CSNK1G1: variants seen among roughly 807,000 people sequenced by gnomAD.
CSNK1G1 encodes casein kinase I isoform gamma-1.
Under a neutral mutation model 59.6 loss-of-function variants are expected in CSNK1G1, and 22 were observed. The observed-to-expected ratio is 0.37, with a 90% CI of 0.26 to 0.53. The LOEUF (loss-of-function observed/expected upper bound fraction) is 0.53, where lower values mean the gene tolerates loss of function less well. Among genes scored for constraint, CSNK1G1 ranks in the 20% least tolerant of loss-of-function variants. The pLI is 0.89. For synonymous variants in CSNK1G1, 179 were observed against 177.1 expected (o/e 1.01, Z -0.08); for missense variants, 384 against 519.5 (o/e 0.74, Z 2.54).
chr15:64,172,120 T>C (rs888725187), intron 11 of CSNK1G1, 135 bp from the exon 12 acceptor site: 2 of 746,028 alleles, frequency 2.7e-6, no homozygotes, highest in Non-Finnish European at 4.7e-6. Context: ...CCATCTACAG[T>C]GCACGCACTG....
intron 2 of CSNK1G1, among the ~76,000 whole-genome samples, chr15:64,288,479 T>C (rs78285426): frequency 0.012 from 1,872 of 152,160 alleles, 26 homozygotes; most frequent in African/African-American, 0.044. Context: ...TTCAGAACTT[T>C]AGAATCTATG....
intron 2 of CSNK1G1, among the ~76,000 whole-genome samples, chr15:64,260,875 C>T (rs1012195043): frequency 6.6e-5 from 10 of 152,102 alleles, no homozygotes; most frequent in Admixed American, 1.3e-4. Flanking sequence ...AGTACCTTTA[C>T]GTGTCAAAGA....
At chr15:64,236,941 T>C (rs1291416822) in intron 4 of CSNK1G1, among the ~76,000 whole-genome samples, 1 of 152,190 alleles carries the variant, frequency 6.6e-6, no homozygotes. Context: ...ACATACATAA[T>C]AGAGTAATAT....
intron 10 of CSNK1G1, chr15:64,181,255 G>C (rs1437041490): frequency 6.5e-7 from 1 of 1,535,848 alleles, no homozygotes; most frequent in Non-Finnish European, 8.7e-7. Flanking sequence ...TGTAAGTGAA[G>C]GCTCTCACTC....
intron 4 of CSNK1G1, among the ~76,000 whole-genome samples, chr15:64,246,289 G>A (rs1891751038): frequency 1.3e-5 from 2 of 152,104 alleles, no homozygotes; most frequent in Non-Finnish European, 2.9e-5. Context: ...TGCCCAATGA[G>A]ATTTTGTTTT....
chr15:64,311,296 T>A (rs192375452), intron 1 of CSNK1G1, among the ~76,000 whole-genome samples: 14 of 152,250 alleles, frequency 9.2e-5, no homozygotes, highest in Middle Eastern at 6.8e-3. Flanking sequence ...TCCGCCTGCC[T>A]CAGCCTCCCA....
intron 1 of CSNK1G1, among the ~76,000 whole-genome samples, chr15:64,335,294 AAAT>A (rs1226216246): frequency 2.0e-5 from 3 of 152,230 alleles, no homozygotes; most frequent in African/African-American, 7.2e-5. Context: ...CAAGGAAAAT[AAAT>A]AATAAAACAA....
intron 2 of CSNK1G1, among the ~76,000 whole-genome samples, chr15:64,286,018 A>C (rs2140375544): frequency 6.6e-6 from 1 of 152,254 alleles, no homozygotes. Flanking sequence ...ATCTTAAGTC[A>C]CCCATGCTTT....
chr15:64,280,750 A>G (rs1894079818), intron 2 of CSNK1G1, among the ~76,000 whole-genome samples: 1 of 152,214 alleles, frequency 6.6e-6, no homozygotes, highest in Admixed American at 6.5e-5. Flanking sequence ...GCATTCAGAA[A>G]CAGCCAACTT....
intron 2 of CSNK1G1, among the ~76,000 whole-genome samples, chr15:64,282,357 C>T (rs1230492185): frequency 1.3e-5 from 2 of 152,036 alleles, no homozygotes; most frequent in African/African-American, 4.8e-5. Context: ...ACCTCAGCCT[C>T]CCGGGTTCAA....
intron 1 of CSNK1G1, among the ~76,000 whole-genome samples, chr15:64,309,309 AACACACACAC>A (rs66467610): frequency 0.69 from 100,820 of 146,378 alleles, 35,481 homozygotes; most frequent in East Asian, 0.85. Flanking sequence ...TAGTGAATAA[AACACACACAC>A]ACACACACAC....
intron 2 of CSNK1G1, among the ~76,000 whole-genome samples, chr15:64,278,418 G>GTGTGTA (rs1491160345): frequency 9.0e-5 from 7 of 77,704 alleles, no homozygotes; most frequent in African/African-American, 4.7e-4. Flanking sequence ...GTGTGTGTGT[G>GTGTGTA]TATATATATA....
intron 4 of CSNK1G1, among the ~76,000 whole-genome samples, chr15:64,239,449 C>T (rs1411692082): frequency 6.6e-6 from 1 of 152,118 alleles, no homozygotes; most frequent in Non-Finnish European, 1.5e-5. Flanking sequence ...AAACATGGCT[C>T]ACTGCAACCT....
chr15:64,335,817 C>T (rs185382910), intron 1 of CSNK1G1: 9 of 152,246 alleles, frequency 5.9e-5, no homozygotes, highest in Non-Finnish European at 8.8e-5. Context: ...TCAACAAATT[C>T]TTGCTGTTGT....
chr15:64,332,970 T>G (rs1025463212), intron 1 of CSNK1G1, among the ~76,000 whole-genome samples: 1 of 152,122 alleles, frequency 6.6e-6, no homozygotes, highest in Admixed American at 6.6e-5. Flanking sequence ...AAAATTTCCC[T>G]GACTAGCTGG....
intron 1 of CSNK1G1, among the ~76,000 whole-genome samples, chr15:64,325,695 G>A (rs1896801783): frequency 6.6e-6 from 1 of 152,144 alleles, no homozygotes; most frequent in African/African-American, 2.4e-5. Context: ...TCTTTTAAGT[G>A]CCTACTGCAT....
At chr15:64,310,121 A>T (rs1333566850) in intron 1 of CSNK1G1, among the ~76,000 whole-genome samples, 1 of 151,984 alleles carries the variant, frequency 6.6e-6, no homozygotes. Context: ...TCCCCAAAAA[A>T]GGGGTGGGTA....
chr15:64,280,652 C>T (rs1056043851), intron 2 of CSNK1G1, among the ~76,000 whole-genome samples: 3 of 151,920 alleles, frequency 2.0e-5, no homozygotes, highest in African/African-American at 4.8e-5. Context: ...TGAGCCACTG[C>T]GCCCGGCCCC....
intron 10 of CSNK1G1, among the ~76,000 whole-genome samples, chr15:64,190,382 A>G (rs2092532671): frequency 6.6e-6 from 1 of 152,198 alleles, no homozygotes; most frequent in African/African-American, 2.4e-5. Flanking sequence ...ATTTTCCAAA[A>G]TAAGACTGGT....
Sources: allele counts gnomAD v4.1 joint callset (sites outside exome capture counted in the v4.1 genomes callset), GRCh38; gene constraint gnomAD v4.1.1; transcripts MANE v1.5; gene names NCBI Gene and HGNC (gene_info 2026-07-23, HGNC 2026-07-21).